IL1RAPL1: variants seen among roughly 807,000 people sequenced by gnomAD.
IL1RAPL1 encodes the protein interleukin 1 receptor accessory protein like 1, also known as interleukin-1 receptor accessory protein-like 1.
A neutral mutation model predicts 48.4 loss-of-function variants in IL1RAPL1; 3 were observed. The ratio of observed to expected loss-of-function variants is 0.06; its 90% confidence interval spans 0.03 to 0.16. The LOEUF (loss-of-function observed/expected upper bound fraction) is 0.16, where lower values mean the gene tolerates loss of function less well. Among genes scored for constraint, IL1RAPL1 ranks in the 10% least tolerant of loss-of-function variants. The probability of loss-of-function intolerance (pLI) is 1.00; values close to 1 mark genes in which losing one functional copy is unlikely to be tolerated. For synonymous variants in IL1RAPL1, 185 were observed against 187.7 expected, an observed-to-expected ratio of 0.99 and a Z score of 0.12; for missense variants, 349 against 530.6, an observed-to-expected ratio of 0.66 and a Z score of 3.36.
At chrX:29,475,188 A>G (rs1224072281) in intron 5 of IL1RAPL1, among the ~76,000 whole-genome samples, 1 of 112,011 alleles carries the variant, frequency 8.9e-6, no homozygotes, top group African/African-American at 3.2e-5. Flanking sequence ...ACCAGTGCCT[A>G]TTTATACTAC....
intron 3 of IL1RAPL1, among the ~76,000 whole-genome samples, chrX:29,323,484 C>T (rs1342202116): frequency 1.9e-5 from 2 of 104,205 alleles, no homozygotes; most frequent in Non-Finnish European, 3.9e-5. Context: ...TCTCTGTTTT[C>T]TTTCCTTTGT....
At chrX:28,774,112 C>T (rs777726707) in intron 1 of IL1RAPL1, among the ~76,000 whole-genome samples, 2 of 111,631 alleles carry the variant, frequency 1.8e-5, no homozygotes, top group South Asian at 7.5e-4. Flanking sequence ...GATTTGTTCT[C>T]ATTATGTTGT....
At chrX:28,785,560 C>T (rs1205456903) in intron 1 of IL1RAPL1, among the ~76,000 whole-genome samples, 2 of 112,026 alleles carry the variant, frequency 1.8e-5, no homozygotes. Context: ...TTTTCTCCCT[C>T]TTGATTCATT....
intron 6 of IL1RAPL1, among the ~76,000 whole-genome samples, chrX:29,895,308 T>C (rs1282392249): frequency 9.0e-6 from 1 of 110,538 alleles, no homozygotes; most frequent in Non-Finnish European, 1.9e-5. Flanking sequence ...CCCAACACTT[T>C]GGGAGGCTGA....
intron 2 of IL1RAPL1, among the ~76,000 whole-genome samples, chrX:28,876,955 A>G (rs1922391393): frequency 8.9e-6 from 1 of 112,190 alleles, no homozygotes; most frequent in South Asian, 3.7e-4. Context: ...AGAAACTCAT[A>G]TTTAAGGCAA....
intron 2 of IL1RAPL1, among the ~76,000 whole-genome samples, chrX:28,829,458 G>A (rs1278574175): frequency 9.0e-6 from 1 of 110,972 alleles, no homozygotes; most frequent in Non-Finnish European, 1.9e-5. Flanking sequence ...CATTTAGTAT[G>A]ATGTTAGTTA....
rs181700130 is a variant in IL1RAPL1 at position 28,973,330 on chromosome X, C to T, written c.82+183905C>T. Among the ~76,000 whole-genome samples the T allele has an allele frequency of 7.2e-4, 81 of 112,293 alleles. No individual in the cohort carries two copies. In the Middle Eastern group the frequency reaches 0.014, roughly 19 times the overall value. On this transcript the variant is annotated intron_variant, in intron 2 of 10. Transcript: ENST00000378993. ...AAACCAATGCGTTATGGCAATGGCA[C>T]ACACCATTAGTTTTTGTAAGTAACT...
chrX:28,821,254 A>C (rs775447979), intron 2 of IL1RAPL1, among the ~76,000 whole-genome samples: 3 of 111,413 alleles, frequency 2.7e-5, no homozygotes, highest in African/African-American at 9.8e-5. Context: ...GAGAAGTTTC[A>C]TGATAGTTCT....
chrX:29,110,665 G>C (rs916440965), intron 2 of IL1RAPL1, among the ~76,000 whole-genome samples: 2 of 111,874 alleles, frequency 1.8e-5, no homozygotes, highest in African/African-American at 6.5e-5. Flanking sequence ...GAGTTTTTCC[G>C]GGGGTGATTT....
intron 6 of IL1RAPL1, among the ~76,000 whole-genome samples, chrX:29,798,264 A>G (rs1929794226): frequency 8.9e-6 from 1 of 111,934 alleles, no homozygotes. Context: ...TGGAGCTCCA[A>G]AGTTTAGAGT....
intron 5 of IL1RAPL1, among the ~76,000 whole-genome samples, chrX:29,477,691 C>T (rs1934993109): frequency 8.9e-6 from 1 of 111,998 alleles, no homozygotes; most frequent in Admixed American, 9.4e-5. Context: ...ACTTGAGATA[C>T]TGAGTAGTTA....
At chrX:28,840,810 G>C (rs1921351928) in intron 2 of IL1RAPL1, among the ~76,000 whole-genome samples, 1 of 110,507 alleles carries the variant, frequency 9.0e-6, no homozygotes, top group Non-Finnish European at 1.9e-5. Context: ...CTGGAAGCTA[G>C]AATGAGACAG....
At chrX:29,292,759 G>C (rs1194253401) in intron 3 of IL1RAPL1, among the ~76,000 whole-genome samples, 1 of 109,431 alleles carries the variant, frequency 9.1e-6, no homozygotes, top group Non-Finnish European at 1.9e-5. Context: ...TCTCTTAATT[G>C]AAACCATAGT....
At chrX:29,102,048 C>G (rs778934466) in intron 2 of IL1RAPL1, among the ~76,000 whole-genome samples, 1 of 111,411 alleles carries the variant, frequency 9.0e-6, no homozygotes, top group East Asian at 2.8e-4. Context: ...ATCATATCAA[C>G]CGAATGAAGG....
At chrX:29,209,861 G>C (rs992668818) in intron 2 of IL1RAPL1, among the ~76,000 whole-genome samples, 2 of 112,167 alleles carry the variant, frequency 1.8e-5, no homozygotes, top group Admixed American at 9.5e-5. Context: ...ACCACCAGTA[G>C]AGCACCAAGG....
chrX:29,278,682 A>G (rs192674989), intron 2 of IL1RAPL1, among the ~76,000 whole-genome samples: 8 of 112,655 alleles, frequency 7.1e-5, no homozygotes, highest in Admixed American at 5.6e-4. Context: ...ATTACATACA[A>G]TTAATGTGTA....
chrX:29,807,622 A>C (rs1930284849), intron 6 of IL1RAPL1, among the ~76,000 whole-genome samples: 1 of 26,417 alleles, frequency 3.8e-5, no homozygotes, highest in African/African-American at 2.1e-4. Flanking sequence ...CTCTCAAGAC[A>C]AAAAAAAAAA....
At chrX:29,851,470 T>C (rs942902564) in intron 6 of IL1RAPL1, among the ~76,000 whole-genome samples, 1 of 112,059 alleles carries the variant, frequency 8.9e-6, no homozygotes, top group Admixed American at 9.5e-5. Flanking sequence ...ACTGAAATAA[T>C]GTAGAGCCCT....
chrX:29,444,340 TAAA>T (rs1285478144), intron 5 of IL1RAPL1, among the ~76,000 whole-genome samples: 2 of 67,240 alleles, frequency 3.0e-5, no homozygotes, highest in Non-Finnish European at 2.9e-5. Flanking sequence ...AGACTCTGTC[TAAA>T]AAAAAAAAAA....
Sources: allele counts gnomAD v4.1 joint callset (sites outside exome capture counted in the v4.1 genomes callset), GRCh38; gene constraint gnomAD v4.1.1; transcripts MANE v1.5; gene names NCBI Gene and HGNC (gene_info 2026-07-23, HGNC 2026-07-21).